FGF11: variants seen among roughly 807,000 people sequenced by gnomAD.
FGF11 encodes fibroblast growth factor 11.
A neutral mutation model predicts 25.1 loss-of-function variants in FGF11; 25 were observed. The observed-to-expected ratio is 1.00, with a 90% confidence interval of 0.73 to 1.39. The LOEUF is 1.39. FGF11 is among the 40% of genes most tolerant of loss of function. The pLI, the probability that FGF11 is intolerant of heterozygous loss-of-function variation, is 0.00. For synonymous variants in FGF11, 130 were observed against 128.9 expected, an observed-to-expected ratio of 1.01 and a Z score of -0.06; for missense variants, 320 against 311.0, an observed-to-expected ratio of 1.03 and a Z score of -0.22.
At position 7,439,807 on chromosome 17, in the gene FGF11, G is replaced by C. The variant is rs1327083209; in HGVS notation, c.187G>C (p.Gly63Arg). ...CGGRPARPDR[G>R]PEPQLKGIVT... is the part of the protein sequence containing the mutation. ...GGGGCGGCCCGCGCGGCCGGACCGCGGCCCGGGTGAGTGCGGCTGGGGCGG... is the reference window on the plus strand; with the variant it reads ...GGGGCGGCCCGCGCGGCCGGACCGCCGCCCGGGTGAGTGCGGCTGGGGCGG... Residue 63 changes from glycine to arginine, a missense_variant, in exon 1 of 5, where the codon GGC becomes CGC. Transcript: ENST00000293829. 7 of 1,437,028 alleles carry C rather than the reference G, an allele frequency of 4.9e-6. No individual in the cohort carries two copies. Among genetic ancestry groups the C allele is most frequent in the Non-Finnish European group, 6.4e-6 (7 of 1,101,744 alleles). 89.0% of individuals were successfully genotyped at this position (1,437,028 alleles called of 1,614,324 possible).
rs1908423196 is a variant in FGF11 at position 7,443,171 on chromosome 17, C to A, written c.*25C>A. 3 of 1,456,760 alleles carry A rather than the reference C, an allele frequency of 2.1e-6. No individual in the cohort carries two copies. The highest frequency in any genetic ancestry group is 3.5e-5 in the Admixed American group (2 of 56,400). 90.2% of individuals were successfully genotyped at this position (1,456,760 alleles called of 1,614,324 possible). ...AAATGTAGTCCCTGGACTGGAGGTTCCCTGCACTCCCAGTGAGCCAGCCAC... is the reference window on the plus strand; with the variant it reads ...AAATGTAGTCCCTGGACTGGAGGTTACCTGCACTCCCAGTGAGCCAGCCAC... On this transcript the variant is annotated 3_prime_UTR_variant, in exon 5 of 5. Transcript: ENST00000293829.
In FGF11 at chr17:7,440,571, C is replaced by G. The variant is rs534662341; in HGVS notation, c.193+758C>G. On this transcript the variant is annotated intron_variant, in intron 1 of 4. Coordinates refer to ENST00000293829, the MANE Select transcript of FGF11 (RefSeq NM_004112.4). This position sits in a 1 kb window ranked among gnomAD's most constrained non-coding sequence, Gnocchi z 5.4. The stretch of plus-strand genomic sequence containing the variant: ...GACAGGGAAGTCGGCAGAGAGCAAG[C>G]GATGGGGGAGGAGAGTTGTGAGAGT... The G allele has an allele frequency of 9.0e-5, 71 of 786,138 alleles. No homozygotes were observed. Among genetic ancestry groups the G allele is most frequent in the Admixed American group, 8.7e-4 (14 of 16,042 alleles). 48.7% of individuals were successfully genotyped at this position (786,138 alleles called of 1,614,324 possible).
At chr17:7,442,413 G>A (rs1281970407) in intron 3 of FGF11, 181 bp from the exon 4 acceptor site, 1 of 1,430,240 alleles carries the variant, frequency 7.0e-7, no homozygotes, top group Non-Finnish European at 9.1e-7. Context: ...CCAGAGCCTA[G>A]TTCTTAGCCC....
chr17:7,441,052 G>A, intron 1 of FGF11: 1 of 725,640 alleles, frequency 1.4e-6, no homozygotes, highest in Non-Finnish European at 1.8e-6. Flanking sequence ...CTGAGGGAGA[G>A]CCCCTACCCT....
rs1597745645 is a variant in FGF11 at position 7,443,227 on chromosome 17, A to C, written c.*81A>C. 1.1e-5 allele frequency: 10 copies of C among 875,044 alleles called. No homozygotes were observed. Among genetic ancestry groups the C allele is most frequent in the Non-Finnish European group, 1.8e-6 (1 of 549,544 alleles). The allele number at this position is 875,044 out of a possible 1,614,324, so 54.2% of individuals were successfully genotyped here. ...CAACCTGTCTCCCAGTCCTGCTCTCACCCCTGCTGCCACACACATGCCCTG... is the reference window on the plus strand; with the variant it reads ...CAACCTGTCTCCCAGTCCTGCTCTCCCCCCTGCTGCCACACACATGCCCTG... On this transcript the variant is annotated 3_prime_UTR_variant, in exon 5 of 5. Transcript: ENST00000293829.
In FGF11 at chr17:7,444,926, T is replaced by A; in HGVS notation, c.*1780T>A. The A allele has an allele frequency of 1.6e-6, 1 of 615,878 alleles. No homozygotes were observed. Among genetic ancestry groups the A allele is most frequent in the African/African-American group, 1.9e-5 (1 of 52,686 alleles). 38.2% of individuals were successfully genotyped at this position (615,878 alleles called of 1,614,324 possible). A position where few individuals can be genotyped will look rare whatever the true frequency, so the allele number is the denominator to read the frequency against. On this transcript the variant is annotated 3_prime_UTR_variant, in exon 5 of 5. Transcript: ENST00000293829. ...CCAGCTTTCTCAATTAAAGACGATT[T>A]ATACAACTGAAGTGCTGTCTGTCAT...
At chr17:7,441,170 C>A in intron 1 of FGF11, 1 of 348,316 alleles carries the variant, frequency 2.9e-6, no homozygotes. Context: ...TCTCTCCCCT[C>A]CCTCCTCCCC....
intron 1 of FGF11, 117 bp from the exon 2 acceptor site, chr17:7,441,354 G>A: frequency 7.2e-7 from 1 of 1,397,914 alleles, no homozygotes; most frequent in Non-Finnish European, 9.7e-7. Context: ...GAGAGCTGGG[G>A]CCCTGGGACC....
rs764937105 is a variant in FGF11, at chr17:7,442,741, C to T, written c.556C>T (p.Arg186Ter). 1.8e-5 allele frequency: 29 copies of T among 1,613,840 alleles called. No homozygotes were observed. The highest frequency in any genetic ancestry group is 5.3e-5 in the African/African-American group (4 of 74,892). Reference protein sequence around the residue: ...DKEGQVMKGNRVKKTKAAAHF... With the variant: ...DKEGQVMKGN ...GGAGGGCCAGGTCATGAAGGGAAAC[C>T]GAGTTAAGAAGACCAAGGCAGCTGC... The change falls in exon 4 of 5, where the codon CGA becomes TGA. Residue 186 changes from arginine to a stop codon, truncating the protein, a stop_gained. Transcript: ENST00000293829. LOFTEE classifies it high-confidence loss of function.
chr17:7,439,472 G>T (rs995376027), upstream of FGF11: 166 of 554,388 alleles, frequency 3.0e-4, no homozygotes, highest in Middle Eastern at 2.0e-3. Context: ...GTGAGGGGGG[G>T]GGTCTGGGGC....
Position 7,443,244 on chromosome 17 carries a change from C to A in FGF11, c.*98C>A. On this transcript the variant is annotated 3_prime_UTR_variant, in exon 5 of 5. Coordinates refer to ENST00000293829, the MANE Select transcript of FGF11 (RefSeq NM_004112.4). ...CTGCTCTCACCCCTGCTGCCACACA[C>A]ATGCCCTGAGCAGCCAGGTCCCACT... The A allele has an allele frequency of 1.3e-6, 1 of 780,988 alleles. No homozygotes were observed. The highest frequency in any genetic ancestry group is 2.1e-6 in the Non-Finnish European group (1 of 474,116). The allele number at this position is 780,988 out of a possible 1,614,324, so 48.4% of individuals were successfully genotyped here. A position where few individuals can be genotyped will look rare whatever the true frequency, so the allele number is the denominator to read the frequency against.
rs760095454 is a variant in FGF11, at chr17:7,442,589, C to T, written c.409-5C>T. 4 of 1,613,978 alleles carry T rather than the reference C, an allele frequency of 2.5e-6. No individual in the cohort carries two copies. In the African/African-American group the frequency reaches 5.3e-5, roughly 22 times the overall value. On this transcript the variant is annotated splice_region_variant and splice_polypyrimidine_tract_variant and intron_variant, in intron 3 of 4. Coordinates refer to ENST00000293829, the MANE Select transcript of FGF11 (RefSeq NM_004112.4). The stretch of plus-strand genomic sequence containing the variant: ...GTGCGCCTTTCTGGGTCTTTGTCTC[C>T]TTAGCCGCATTTCACAGCTGAGTGT...
In FGF11 at chr17:7,440,020, G is replaced by A. The variant is rs1241071938; in HGVS notation, c.193+207G>A. On this transcript the variant is annotated intron_variant, in intron 1 of 4. Coordinates refer to ENST00000293829, the MANE Select transcript of FGF11 (RefSeq NM_004112.4). This position sits in a 1 kb window ranked among gnomAD's most constrained non-coding sequence, Gnocchi z 5.4. Reference sequence around the variant, plus strand: ...GGAGTCTCCTTATTTTCGAGGTCAAGGGGAAGGCTTGAGGGGCTGCCTGGC... The same window carrying A: ...GGAGTCTCCTTATTTTCGAGGTCAAAGGGAAGGCTTGAGGGGCTGCCTGGC... 4.6e-6 allele frequency: 2 copies of A among 431,272 alleles called. No individual in the cohort carries two copies. The highest frequency in any genetic ancestry group is 3.6e-5 in the East Asian group (1 of 27,884). 26.7% of individuals were successfully genotyped at this position (431,272 alleles called of 1,614,324 possible).
At position 7,441,099 on chromosome 17, in the gene FGF11, G is replaced by T. The variant is rs138281105; in HGVS notation, c.194-372G>T. ...GCTGCTGCCAAGATCCCCCACCTTCGCAAACACGCTGCCCCTTCAGTACCC... is the reference window on the plus strand; with the variant it reads ...GCTGCTGCCAAGATCCCCCACCTTCTCAAACACGCTGCCCCTTCAGTACCC... On this transcript the variant is annotated intron_variant, in intron 1 of 4. Coordinates refer to ENST00000293829, the MANE Select transcript of FGF11 (RefSeq NM_004112.4). 1.4e-3 allele frequency: 482 copies of T among 349,784 alleles called. 1 individual carries two copies. The highest frequency in any genetic ancestry group is 1.5e-3 in the Non-Finnish European group (334 of 223,588). 21.7% of individuals were successfully genotyped at this position (349,784 alleles called of 1,614,324 possible).
In FGF11 at chr17:7,441,793, C is replaced by T. The variant is rs368001702; in HGVS notation, c.322C>T (p.Pro108Ser). 1 of 1,609,188 alleles carries T rather than the reference C, an allele frequency of 6.2e-7. No individual in the cohort carries two copies. The highest frequency in any genetic ancestry group is 1.7e-5 in the Admixed American group (1 of 59,306). The change falls in exon 3 of 5, where the codon CCT becomes TCT. Residue 108 changes from proline to serine, a missense_variant. By Grantham distance (74) the Pro-to-Ser change is moderately conservative. Coordinates refer to ENST00000293829, the MANE Select transcript of FGF11 (RefSeq NM_004112.4). Reference sequence around the variant, plus strand: ...ACCTGCAGCCCACTTCAACCTGATCCCTGTGGGCCTCCGTGTGGTCACCAT... The same window carrying T: ...ACCTGCAGCCCACTTCAACCTGATCTCTGTGGGCCTCCGTGTGGTCACCAT... Reference protein sequence around the residue: ...TSSFTHFNLIPVGLRVVTIQS... With the variant: ...TSSFTHFNLISVGLRVVTIQS...
chr17:7,443,172 C>T lies in FGF11; in HGVS notation c.*26C>T, dbSNP rs552919024. On this transcript the variant is annotated 3_prime_UTR_variant, in exon 5 of 5. Transcript: ENST00000293829. ...AATGTAGTCCCTGGACTGGAGGTTC[C>T]CTGCACTCCCAGTGAGCCAGCCACC... 7 of 1,461,988 alleles carry T rather than the reference C, an allele frequency of 4.8e-6. No individual in the cohort carries two copies. In the African/African-American group the frequency reaches 5.6e-5, roughly 12 times the overall value. The allele number at this position is 1,461,988 out of a possible 1,614,324, so 90.6% of individuals were successfully genotyped here.
At chr17:7,441,362 A>G (rs1908314185) in intron 1 of FGF11, 109 bp from the exon 2 acceptor site, 3 of 1,454,744 alleles carry the variant, frequency 2.1e-6, no homozygotes, top group African/African-American at 2.8e-5. Context: ...GGGCCCTGGG[A>G]CCCTCTTCCT....
chr17:7,439,270 T>G, upstream of FGF11: 1 of 216,094 alleles, frequency 4.6e-6, no homozygotes, highest in Non-Finnish European at 9.1e-6. Flanking sequence ...AAACCACGTC[T>G]TGGAAATTTA....
chr17:7,441,582 G>A lies in FGF11; in HGVS notation c.304+1G>A, dbSNP rs1398186289. The A allele has an allele frequency of 6.2e-7, 1 of 1,614,174 alleles. No homozygotes were observed. Among genetic ancestry groups the A allele is most frequent in the Admixed American group, 1.7e-5 (1 of 60,022 alleles). ...ACCCCAGAGGATACCAGCTCCTTCA[G>A]TGAGAGGGGAAGCTGGCTGCAGGGT... is the stretch of plus-strand genomic sequence containing the variant. On this transcript the variant is annotated splice_donor_variant, in intron 2 of 4. Transcript: ENST00000293829. LOFTEE classifies it high-confidence loss of function.
Sources: gnomAD v4.1 joint callset for allele counts on GRCh38, gnomAD v4.1.1 for gene constraint, Gnocchi (gnomAD v3.1) non-coding constraint, MANE v1.5 for transcripts, NCBI Gene and HGNC (gene_info 2026-07-23, HGNC 2026-07-21) for gene names.